The following WDPCP variants were observed in gnomAD, a reference collection of about 807,000 sequenced individuals.
The protein encoded by WDPCP is WD repeat containing planar cell polarity effector, also known as WD repeat-containing and planar cell polarity effector protein fritz homolog.
WDPCP carries 71 observed loss-of-function variants against 93.1 expected under a neutral mutation model. That is an observed-to-expected ratio of 0.76 (90% confidence interval 0.63 to 0.93). The LOEUF is 0.93. WDPCP is among the 40% of genes least tolerant of loss of function. The probability of loss-of-function intolerance (pLI) is 0.00; values close to 1 mark genes in which losing one functional copy is unlikely to be tolerated. For synonymous variants in WDPCP, 315 were observed against 315.0 expected (o/e 1.00, Z 0.00); for missense variants, 844 against 887.4 (o/e 0.95, Z 0.62).
chr2:63,204,486 C>T lies in WDPCP; in HGVS notation c.1916-29654G>A, dbSNP rs556353380. ...CCTCCCGAGTAGCTGGGATTACAGG[C>T]ACCTGCCACCACGCCCGGATAATTT... On this transcript the variant is annotated intron_variant, in intron 14 of 17. Coordinates refer to ENST00000272321, the MANE Select transcript of WDPCP (RefSeq NM_015910.7). Among the ~76,000 whole-genome samples the T allele has an allele frequency of 5.9e-5, 9 of 151,946 alleles. No individual in the cohort carries two copies. In the East Asian group the frequency reaches 1.4e-3, roughly 23 times the overall value.
chr2:63,180,880 C>G (rs912567739), intron 14 of WDPCP, among the ~76,000 whole-genome samples: 1 of 151,934 alleles, frequency 6.6e-6, no homozygotes, highest in Admixed American at 6.6e-5. Context: ...TTATGACTTG[C>G]GTGAAATATG....
chr2:63,681,454 C>T (rs1710490362), intron 2 of WDPCP, among the ~76,000 whole-genome samples: 1 of 152,120 alleles, frequency 6.6e-6, no homozygotes, highest in African/African-American at 2.4e-5. Flanking sequence ...TGGGGCTCCT[C>T]TTCCTTTGGA....
intron 1 of WDPCP, among the ~76,000 whole-genome samples, chr2:63,516,770 T>G (rs182085172): frequency 3.4e-4 from 50 of 146,912 alleles, no homozygotes; most frequent in African/African-American, 1.0e-3. Context: ...GGATAATGGG[T>G]TTTTTTTTAA....
chr2:63,594,310 TTAAA>T (rs752218688), intron 3 of WDPCP: 22 of 712,678 alleles, frequency 3.1e-5, no homozygotes, highest in East Asian at 2.5e-4. Flanking sequence ...ATGGTGAGAG[TTAAA>T]TAACACCACG....
At chr2:63,679,910 T>G (rs192658899) in intron 2 of WDPCP, among the ~76,000 whole-genome samples, 1 of 152,328 alleles carries the variant, frequency 6.6e-6, no homozygotes, top group Non-Finnish European at 1.5e-5. Flanking sequence ...GGAAAATGCT[T>G]GAGAAAGGCC....
intron 3 of WDPCP, among the ~76,000 whole-genome samples, chr2:63,650,356 A>G (rs752074737): frequency 5.9e-5 from 9 of 152,208 alleles, no homozygotes; most frequent in Non-Finnish European, 1.3e-4. Flanking sequence ...CAGGGACCAC[A>G]CATACTTTGA....
chr2:63,580,130 A>G (rs1708399845), intron 1 of WDPCP, among the ~76,000 whole-genome samples: 1 of 152,302 alleles, frequency 6.6e-6, no homozygotes, highest in Non-Finnish European at 1.5e-5. Flanking sequence ...TAAATCACTC[A>G]GTCTGTAGTA....
intron 12 of WDPCP, among the ~76,000 whole-genome samples, chr2:63,365,405 A>G (rs771611229): frequency 9.2e-5 from 14 of 152,180 alleles, no homozygotes; most frequent in Non-Finnish European, 1.8e-4. Context: ...ACTTTCAAAT[A>G]TTTCATTTGA....
rs151333920 is a variant in WDPCP at position 63,725,360 on chromosome 2, T to C, written n.309-74522A>G. ...TGGCCTACAGTTGCATCCATGTTGC[T>C]GCAAAGGACATAGTTTCATTCTTTT... On this transcript the variant is annotated intron_variant and non_coding_transcript_variant, in intron 2 of 4. Transcript: ENST00000467687. 6.2e-3 allele frequency among the ~76,000 whole-genome samples: 939 copies of C among 152,334 alleles called. 15 individuals are homozygous for C. The highest frequency in any genetic ancestry group is 0.021 in the African/African-American group (877 of 41,570).
chr2:63,706,600 C>CTTTTTTTTTTTTTTTT (rs896018299), intron 2 of WDPCP, among the ~76,000 whole-genome samples: 1 of 61,700 alleles, frequency 1.6e-5, no homozygotes, highest in African/African-American at 6.0e-5. Flanking sequence ...AAATTCTTTT[C>CTTTTTTTTTTTTTTTT]TTTTTTTTTT....
chr2:63,800,373 T>C (rs549871588), intron 2 of WDPCP, among the ~76,000 whole-genome samples: 4 of 152,340 alleles, frequency 2.6e-5, no homozygotes, highest in African/African-American at 9.6e-5. Flanking sequence ...CTGTCTCTCC[T>C]ATTATGATGT....
intron 2 of WDPCP, among the ~76,000 whole-genome samples, chr2:63,800,311 C>A (rs111880054): frequency 0.013 from 1,996 of 152,174 alleles, 20 homozygotes; most frequent in Non-Finnish European, 0.015. Flanking sequence ...AACGGAGCTC[C>A]GTACAGCTGC....
intron 3 of WDPCP, among the ~76,000 whole-genome samples, chr2:63,625,125 A>G (rs1709796944): frequency 6.6e-6 from 1 of 152,248 alleles, no homozygotes; most frequent in South Asian, 2.1e-4. Context: ...GTAAAATGCA[A>G]CACCCCTTCA....
At chr2:63,629,932 A>G (rs544832164) in intron 3 of WDPCP, among the ~76,000 whole-genome samples, 1 of 152,364 alleles carries the variant, frequency 6.6e-6, no homozygotes, top group South Asian at 2.1e-4. Context: ...AAAATTTCAA[A>G]CTGAATGAAA....
chr2:63,759,520 A>T (rs1477283521), intron 2 of WDPCP, among the ~76,000 whole-genome samples: 1 of 152,248 alleles, frequency 6.6e-6, no homozygotes. Flanking sequence ...GTATTGTTAC[A>T]GGAACTAATA....
intron 1 of WDPCP, among the ~76,000 whole-genome samples, chr2:63,533,558 G>A (rs7608513): frequency 0.8 from 122,368 of 152,186 alleles, 49,874 homozygotes; most frequent in East Asian, 0.99. Flanking sequence ...TAAGAGACTC[G>A]CTCAAAACTG....
At chr2:63,420,922 G>C (rs1695812203) in intron 9 of WDPCP, among the ~76,000 whole-genome samples, 1 of 152,118 alleles carries the variant, frequency 6.6e-6, no homozygotes. Flanking sequence ...CTATTACAGT[G>C]ATGCTATGAA....
At chr2:63,298,819 G>T (rs775900003) in intron 13 of WDPCP, among the ~76,000 whole-genome samples, 5 of 152,192 alleles carry the variant, frequency 3.3e-5, no homozygotes, top group Non-Finnish European at 7.3e-5. Context: ...TGTGGAAAGG[G>T]CCTGAGGTGT....
intron 2 of WDPCP, among the ~76,000 whole-genome samples, chr2:63,678,314 G>C (rs182614612): frequency 1.7e-3 from 262 of 152,264 alleles, no homozygotes; most frequent in Middle Eastern, 3.4e-3. Flanking sequence ...CTCCATTTAG[G>C]GGGGAAACAA....
Sources: gnomAD v4.1 joint callset for allele counts (sites outside exome capture counted in the v4.1 genomes callset) on GRCh38, gnomAD v4.1.1 for gene constraint, MANE v1.5 for transcripts, NCBI Gene and HGNC (gene_info 2026-07-23, HGNC 2026-07-21) for gene names.